The following DNAJC25 variants were observed in gnomAD, a reference collection of about 807,000 sequenced individuals.
DNAJC25 encodes dnaJ homolog subfamily C member 25.
Under a neutral mutation model 42.1 loss-of-function variants are expected in DNAJC25, and 26 were observed. The ratio of observed to expected loss-of-function variants is 0.62; its 90% CI spans 0.45 to 0.86. The LOEUF (loss-of-function observed/expected upper bound fraction) is 0.86. Ranked by LOEUF, DNAJC25 falls within the 40% of genes least tolerant of loss-of-function variation. DNAJC25 has a pLI of 0.00. For synonymous variants in DNAJC25, 189 were observed against 179.9 expected (o/e 1.05, Z -0.40); for missense variants, 404 against 459.4 (o/e 0.88, Z 1.10).
chr9:111,641,923 C>T (rs1486792523), intron 1 of DNAJC25, among the ~76,000 whole-genome samples: 2 of 139,318 alleles, frequency 1.4e-5, no homozygotes, highest in African/African-American at 5.3e-5. Flanking sequence ...CCGCCCCGTC[C>T]GGGAGGGAGG....
intron 1 of DNAJC25, chr9:111,646,905 T>C (rs1245464570): frequency 2.3e-6 from 1 of 439,324 alleles, no homozygotes. Context: ...ATTTTTGTTA[T>C]GCTTTTATAT....
chr9:111,637,614 T>C (rs575505662), intron 1 of DNAJC25, among the ~76,000 whole-genome samples: 2 of 152,226 alleles, frequency 1.3e-5, no homozygotes, highest in Non-Finnish European at 2.9e-5. Context: ...GTTCACTGTC[T>C]TTACTTTCTC....
chr9:111,640,959 C>T (rs1483536235), intron 1 of DNAJC25, among the ~76,000 whole-genome samples: 4 of 96,814 alleles, frequency 4.1e-5, no homozygotes, highest in African/African-American at 2.4e-4. Flanking sequence ...GTGGGGGGGT[C>T]AGCCCCCCGC....
chr9:111,642,707 A>G (rs1226938981), intron 1 of DNAJC25: 1 of 243,278 alleles, frequency 4.1e-6, no homozygotes. Flanking sequence ...AGATCAAACA[A>G]TTCATGATTT....
At chr9:111,644,564 T>G (rs1245873014) in intron 1 of DNAJC25, among the ~76,000 whole-genome samples, 1 of 152,170 alleles carries the variant, frequency 6.6e-6, no homozygotes, top group Admixed American at 6.5e-5. Context: ...AAGACCTTAC[T>G]CCATATACTT....
In DNAJC25 at chr9:111,653,650, C is replaced by T. The variant is rs1830699560; in HGVS notation, c.*428C>T. 1 of 152,366 alleles carries T rather than the reference C, an allele frequency of 6.6e-6. No individual in the cohort carries two copies. Among genetic ancestry groups the T allele is most frequent in the African/African-American group, 2.4e-5 (1 of 41,444 alleles). The allele number at this position is 152,366 out of a possible 1,614,324, so 9.4% of individuals were successfully genotyped here. Reference sequence around the variant, plus strand: ...TATTTTCACAAAACACCAAAAACAGCATTTAATTATATTATCATGAGTGTG... The same window carrying T: ...TATTTTCACAAAACACCAAAAACAGTATTTAATTATATTATCATGAGTGTG... On this transcript the variant is annotated 3_prime_UTR_variant, in exon 4 of 4. Coordinates refer to ENST00000313525, the MANE Select transcript of DNAJC25 (RefSeq NM_001015882.3).
intron 3 of DNAJC25, among the ~76,000 whole-genome samples, chr9:111,650,152 A>G (rs1830635203): frequency 6.6e-6 from 1 of 152,212 alleles, no homozygotes. Context: ...TTTAATCAAC[A>G]AATTATGAAA....
chr9:111,642,740 A>G (rs1229327535), intron 1 of DNAJC25: 1 of 372,472 alleles, frequency 2.7e-6, no homozygotes, highest in East Asian at 7.5e-5. Flanking sequence ...GGAACATAAT[A>G]TATTTTTGCC....
At chr9:111,632,974 C>T (rs576802378) in intron 1 of DNAJC25, among the ~76,000 whole-genome samples, 96 of 152,128 alleles carry the variant, frequency 6.3e-4, no homozygotes, top group Middle Eastern at 3.4e-3. Context: ...TTCTCACTAG[C>T]GTTAGTGAGA....
chr9:111,639,846 T>C lies in DNAJC25; in HGVS notation c.337-7261T>C, dbSNP rs188700806. 2.7e-3 allele frequency among the ~76,000 whole-genome samples: 410 copies of C among 152,232 alleles called. 3 individuals carry two copies. Among genetic ancestry groups the C allele is most frequent in the African/African-American group, 8.9e-3 (371 of 41,528 alleles). Reference sequence around the variant, plus strand: ...TTATACTCTATGTAATAGAAAGTTTTAAATGTAAAACTAGGACACTCAGTG... The same window carrying C: ...TTATACTCTATGTAATAGAAAGTTTCAAATGTAAAACTAGGACACTCAGTG... On this transcript the variant is annotated intron_variant, in intron 1 of 3. Coordinates refer to ENST00000313525, the MANE Select transcript of DNAJC25 (RefSeq NM_001015882.3).
rs181095544 is a variant in DNAJC25, at chr9:111,651,609, A to G, written c.961-1491A>G. Among the ~76,000 whole-genome samples the G allele has an allele frequency of 9.3e-4, 141 of 152,182 alleles. 2 individuals are homozygous for G. The Middle Eastern group carries it at 0.01, about 11-fold the overall frequency. ...ATTAAAAGTTACAGAATTGCAGGCTAGGTGCGGTGGCTCATGCCTGTAATC... is the reference window on the plus strand; with the variant it reads ...ATTAAAAGTTACAGAATTGCAGGCTGGGTGCGGTGGCTCATGCCTGTAATC... On this transcript the variant is annotated intron_variant, in intron 3 of 3. Coordinates refer to ENST00000313525, the MANE Select transcript of DNAJC25 (RefSeq NM_001015882.3).
chr9:111,631,561 G>C lies in DNAJC25; in HGVS notation c.154G>C (p.Glu52Gln). 1 of 1,424,744 alleles carries C rather than the reference G, an allele frequency of 7.0e-7. No homozygotes were observed. The highest frequency in any genetic ancestry group is 1.5e-5 in the African/African-American group (1 of 66,664). 88.3% of individuals were successfully genotyped at this position (1,424,744 alleles called of 1,614,324 possible). A position where few individuals can be genotyped will look rare whatever the true frequency, so the allele number is the denominator to read the frequency against. Reference protein sequence around the residue: ...GLYCGTRDCYEVLGVSRSAGK... With the variant: ...GLYCGTRDCYQVLGVSRSAGK... ...CTACTGCGGCACGCGGGACTGCTAC[G>C]AGGTGCTGGGCGTGAGCCGCTCGGC... The change falls in exon 1 of 4, where the codon GAG becomes CAG. Residue 52 changes from glutamate (E) to glutamine (Q), a missense_variant. Coordinates refer to ENST00000313525, the MANE Select transcript of DNAJC25 (RefSeq NM_001015882.3).
chr9:111,631,828 G>T, intron 1 of DNAJC25, 85 bp downstream of exon 1: 2 of 1,430,102 alleles, frequency 1.4e-6, no homozygotes, highest in East Asian at 5.9e-5. Context: ...CGGAGCGTGG[G>T]CCTCTGTGAC....
At chr9:111,636,562 C>T (rs915077883) in intron 1 of DNAJC25, among the ~76,000 whole-genome samples, 3 of 152,146 alleles carry the variant, frequency 2.0e-5, no homozygotes, top group Non-Finnish European at 4.4e-5. Flanking sequence ...TCAAGCAGTC[C>T]TCCTGCCTCA....
At chr9:111,652,996 A>G (rs1478814782) in intron 3 of DNAJC25, 104 bp from the exon 4 acceptor site, 12 of 1,260,374 alleles carry the variant, frequency 9.5e-6, no homozygotes, top group Non-Finnish European at 1.1e-5. Context: ...TTCACTGGAA[A>G]CTTTTTACCT....
At chr9:111,642,995 G>A (rs1162111322) in intron 1 of DNAJC25, 3 of 460,914 alleles carry the variant, frequency 6.5e-6, no homozygotes, top group Non-Finnish European at 1.4e-5. Flanking sequence ...GAAGAAACAA[G>A]TATAAAGGTT....
chr9:111,640,957 G>T (rs1830448019), intron 1 of DNAJC25, among the ~76,000 whole-genome samples: 2 of 100,008 alleles, frequency 2.0e-5, no homozygotes, highest in Admixed American at 9.7e-5. Flanking sequence ...AGGTGGGGGG[G>T]TCAGCCCCCC....
intron 1 of DNAJC25, among the ~76,000 whole-genome samples, chr9:111,645,310 A>C (rs1211063801): frequency 1.3e-5 from 2 of 150,106 alleles, no homozygotes; most frequent in African/African-American, 2.5e-5. Context: ...GCTGGAGTGC[A>C]GTGGTACAGT....
At chr9:111,632,404 A>G (rs1479581293) in intron 1 of DNAJC25, among the ~76,000 whole-genome samples, 1 of 152,218 alleles carries the variant, frequency 6.6e-6, no homozygotes, top group African/African-American at 2.4e-5. Flanking sequence ...CCCCCTTTCC[A>G]TAGGATCCAT....
Sources: allele counts gnomAD v4.1 joint callset (sites outside exome capture counted in the v4.1 genomes callset), GRCh38; gene constraint gnomAD v4.1.1; transcripts MANE v1.5; gene names NCBI Gene and HGNC (gene_info 2026-07-23, HGNC 2026-07-21).